Variants in RAMP1 observed in about 807,000 individuals in gnomAD.
RAMP1 encodes receptor activity-modifying protein 1.
RAMP1 carries 7 observed loss-of-function variants against 8.2 expected under a neutral mutation model. That is an observed-to-expected ratio of 0.85 (90% CI 0.49 to 1.60). The LOEUF (loss-of-function observed/expected upper bound fraction) is 1.60, where lower values mean the gene tolerates loss of function less well. Ranked by LOEUF, RAMP1 falls within the 40% of genes most tolerant of loss-of-function variation. The pLI, the probability that RAMP1 is intolerant of heterozygous loss-of-function variation, is 0.00. For synonymous variants in RAMP1, 92 were observed against 84.7 expected (o/e 1.09, Z -0.47); for missense variants, 192 against 202.4 (o/e 0.95, Z 0.31).
chr2:237,893,294 G>A (rs904921116), intron 2 of RAMP1, among the ~76,000 whole-genome samples: 1 of 152,194 alleles, frequency 6.6e-6, no homozygotes, highest in African/African-American at 2.4e-5. Context: ...CCTTCCTGGC[G>A]TGGTTGCTTG....
chr2:237,870,148 T>G (rs1232122577), intron 1 of RAMP1, among the ~76,000 whole-genome samples: 1 of 152,272 alleles, frequency 6.6e-6, no homozygotes, highest in East Asian at 1.9e-4. Context: ...GTCTGTGTCA[T>G]GTCCCGCCAC....
At chr2:237,871,742 C>A (rs776205982) in intron 1 of RAMP1, among the ~76,000 whole-genome samples, 3 of 152,198 alleles carry the variant, frequency 2.0e-5, no homozygotes, top group Non-Finnish European at 4.4e-5. Context: ...TGCCACTGCG[C>A]TATGTGTTCT....
intron 2 of RAMP1, among the ~76,000 whole-genome samples, chr2:237,883,293 C>T (rs1262776127): frequency 6.6e-6 from 1 of 152,172 alleles, no homozygotes; most frequent in African/African-American, 2.4e-5. Flanking sequence ...CATTTAACAA[C>T]AGCTGCGTGT....
At chr2:237,860,013 C>T in intron 1 of RAMP1, 1 of 336,950 alleles carries the variant, frequency 3.0e-6, no homozygotes, top group Non-Finnish European at 5.4e-6. Flanking sequence ...GGTGAGTCAG[C>T]CCTGCACACT....
At chr2:237,880,059 A>G (rs1280716431) in intron 2 of RAMP1, among the ~76,000 whole-genome samples, 1 of 151,760 alleles carries the variant, frequency 6.6e-6, no homozygotes, top group Admixed American at 6.6e-5. Flanking sequence ...TCACAACAGC[A>G]TCTCAGCACG....
At chr2:237,896,929 G>A (rs1324184865) in intron 2 of RAMP1, among the ~76,000 whole-genome samples, 1 of 152,202 alleles carries the variant, frequency 6.6e-6, no homozygotes, top group African/African-American at 2.4e-5. Context: ...GGTTGCAGGC[G>A]TGAGCCACTG....
At chr2:237,876,428 G>A (rs969356626) in intron 1 of RAMP1, among the ~76,000 whole-genome samples, 13 of 152,196 alleles carry the variant, frequency 8.5e-5, no homozygotes, top group Admixed American at 7.2e-4. Flanking sequence ...CAGGCCGGTA[G>A]GGGTGGGGCT....
At chr2:237,906,591 T>C (rs1225771253) in intron 2 of RAMP1, among the ~76,000 whole-genome samples, 2 of 152,176 alleles carry the variant, frequency 1.3e-5, no homozygotes, top group Non-Finnish European at 2.9e-5. Flanking sequence ...GCCCTTCATC[T>C]ATTTATGTGG....
chr2:237,903,891 T>C (rs2062630166), intron 2 of RAMP1, among the ~76,000 whole-genome samples: 1 of 152,192 alleles, frequency 6.6e-6, no homozygotes, highest in South Asian at 2.1e-4. Context: ...AGTTGGGGTT[T>C]CACTGTGTTA....
chr2:237,904,397 C>G (rs1194831878), intron 2 of RAMP1, among the ~76,000 whole-genome samples: 1 of 151,876 alleles, frequency 6.6e-6, no homozygotes, highest in African/African-American at 2.4e-5. Flanking sequence ...CCATCCTGGG[C>G]AACAGAGCAA....
chr2:237,908,422 G>A (rs2062674820), intron 2 of RAMP1, among the ~76,000 whole-genome samples: 1 of 151,854 alleles, frequency 6.6e-6, no homozygotes, highest in African/African-American at 2.4e-5. Flanking sequence ...GGTGGTGGTG[G>A]TGGTGGTGGT....
intron 2 of RAMP1, among the ~76,000 whole-genome samples, chr2:237,902,521 AC>A (rs888464587): frequency 6.6e-6 from 1 of 151,634 alleles, no homozygotes; most frequent in African/African-American, 2.4e-5. Context: ...CCCAGGGCCC[AC>A]CCCGCACCCC....
chr2:237,859,227 G>C (rs959612305), upstream of RAMP1: 4 of 152,368 alleles, frequency 2.6e-5, no homozygotes, highest in Admixed American at 2.6e-4. Flanking sequence ...CGGAGAGGTA[G>C]ATAAGGCTGG....
intron 2 of RAMP1, among the ~76,000 whole-genome samples, chr2:237,889,166 G>A (rs189427296): frequency 2.8e-4 from 43 of 152,138 alleles, no homozygotes; most frequent in Non-Finnish European, 5.0e-4. Flanking sequence ...CCACACTGTC[G>A]TTCATTAGCT....
intron 1 of RAMP1, among the ~76,000 whole-genome samples, chr2:237,870,661 G>A (rs896853761): frequency 3.3e-5 from 5 of 152,212 alleles, no homozygotes; most frequent in African/African-American, 1.2e-4. Context: ...AAGAGTGCCG[G>A]TTGACAATGT....
intron 2 of RAMP1, among the ~76,000 whole-genome samples, chr2:237,890,287 C>T (rs4663799): frequency 0.37 from 55,395 of 151,420 alleles, 11,236 homozygotes; most frequent in East Asian, 0.46. Context: ...CTGCAACCTC[C>T]ACCTCCTGGG....
intron 2 of RAMP1, among the ~76,000 whole-genome samples, chr2:237,882,647 G>A (rs1385250508): frequency 2.0e-5 from 3 of 152,222 alleles, no homozygotes; most frequent in Non-Finnish European, 4.4e-5. Context: ...ATCGCATTGA[G>A]ACACCAAGCC....
intron 2 of RAMP1, among the ~76,000 whole-genome samples, chr2:237,907,799 C>G (rs2062668023): frequency 6.6e-6 from 1 of 152,146 alleles, no homozygotes; most frequent in Admixed American, 6.5e-5. Context: ...GAGTCTAACT[C>G]CATTCATTGT....
chr2:237,908,079 A>C (rs1336717929), intron 2 of RAMP1, among the ~76,000 whole-genome samples: 3 of 152,220 alleles, frequency 2.0e-5, no homozygotes, highest in South Asian at 4.1e-4. Context: ...ATGAGCTGTC[A>C]TTGCCTTGTG....
Sources: gnomAD v4.1 joint callset for allele counts (sites outside exome capture counted in the v4.1 genomes callset) on GRCh38, gnomAD v4.1.1 for gene constraint, MANE v1.5 for transcripts, NCBI Gene and HGNC (gene_info 2026-07-23, HGNC 2026-07-21) for gene names.